The following PLA2G4D variants were observed in gnomAD, a reference collection of about 807,000 sequenced individuals.
PLA2G4D encodes the protein phospholipase A2 group IVD, also known as cytosolic phospholipase A2 delta.
PLA2G4D carries 80 observed loss-of-function variants against 94.4 expected under a neutral mutation model. The ratio of observed to expected loss-of-function variants is 0.85; its 90% CI spans 0.71 to 1.02. The LOEUF (loss-of-function observed/expected upper bound fraction) is 1.02, where lower values mean the gene tolerates loss of function less well. Ranked by LOEUF, PLA2G4D falls within the 50% of genes least tolerant of loss-of-function variation. PLA2G4D has a pLI of 0.00. For missense variants in PLA2G4D, 1,050 were observed against 1,034.7 expected (o/e 1.01, Z -0.20); for synonymous variants, 438 against 440.9 (o/e 0.99, Z 0.08).
At chr15:42,093,408 A>C (rs1303979717) in intron 1 of PLA2G4D, among the ~76,000 whole-genome samples, 1 of 152,198 alleles carries the variant, frequency 6.6e-6, no homozygotes, top group Non-Finnish European at 1.5e-5. Context: ...AAAGGGGGAA[A>C]TATTCCAGAA....
chr15:42,068,422 T>C lies in PLA2G4D; in HGVS notation c.*293A>G, dbSNP rs1279521516. The C allele has an allele frequency of 2.0e-5, 8 of 393,744 alleles. No individual in the cohort carries two copies. The East Asian group carries it at 4.1e-4, about 20-fold the overall frequency. 24.4% of individuals were successfully genotyped at this position (393,744 alleles called of 1,614,324 possible). On this transcript the variant is annotated 3_prime_UTR_variant, in exon 20 of 20. Coordinates refer to ENST00000290472, the MANE Select transcript of PLA2G4D (RefSeq NM_178034.4). ...TGATCTGCTGCCTCCGGCTTGCACT[T>C]CAAATCTATCCTGCTCAGGCATGGA...
At chr15:42,069,768 G>T in intron 19 of PLA2G4D, 141 bp downstream of exon 19, 2 of 726,426 alleles carry the variant, frequency 2.8e-6, no homozygotes, top group Non-Finnish European at 4.1e-6. Context: ...GGGCTCCAAG[G>T]CCTGAGTGGG....
chr15:42,093,407 A>G (rs538485003), intron 1 of PLA2G4D, among the ~76,000 whole-genome samples: 1 of 152,286 alleles, frequency 6.6e-6, no homozygotes, highest in African/African-American at 2.4e-5. Flanking sequence ...TAAAGGGGGA[A>G]ATATTCCAGA....
intron 8 of PLA2G4D, 100 bp downstream of exon 8, chr15:42,083,098 G>A: frequency 6.8e-7 from 1 of 1,467,130 alleles, no homozygotes; most frequent in Non-Finnish European, 9.1e-7. Context: ...AAGGCCACAG[G>A]GGCCTTGGCC....
At chr15:42,083,841 C>T (rs1890091019) in intron 6 of PLA2G4D, 62 bp from the exon 7 acceptor site, 2 of 1,549,320 alleles carry the variant, frequency 1.3e-6, no homozygotes, top group Admixed American at 1.7e-5. Context: ...CCCTTAACCT[C>T]AACCCTCTGA....
At chr15:42,089,401 C>CA (rs1890212054) in intron 1 of PLA2G4D, among the ~76,000 whole-genome samples, 1 of 152,194 alleles carries the variant, frequency 6.6e-6, no homozygotes, top group Admixed American at 6.5e-5. Flanking sequence ...CCTGCCCCTG[C>CA]ATCTTTCCTC....
At chr15:42,085,570 C>T in intron 4 of PLA2G4D, 39 bp from the exon 5 acceptor site, 1 of 1,602,214 alleles carries the variant, frequency 6.2e-7, no homozygotes, top group Non-Finnish European at 8.6e-7. Context: ...CAGCACATAC[C>T]TGTGTCTTCA....
Position 42,067,913 on chromosome 15 carries a change from T to C in PLA2G4D, c.*802A>G, listed in dbSNP as rs1217202579. ...GTCAGGAACAAGACAAGATGTCTGC[T>C]CTTGAAACGTGTGTTCATCATTGTA... On this transcript the variant is annotated 3_prime_UTR_variant, in exon 20 of 20. Transcript: ENST00000290472. 1.3e-5 allele frequency: 2 copies of C among 152,230 alleles called. No homozygotes were observed. The highest frequency in any genetic ancestry group is 1.3e-4 in the Admixed American group (2 of 15,284). The allele number at this position is 152,230 out of a possible 1,614,324, so 9.4% of individuals were successfully genotyped here.
chr15:42,073,375 C>G (rs1889863572), intron 13 of PLA2G4D, among the ~76,000 whole-genome samples: 2 of 152,198 alleles, frequency 1.3e-5, no homozygotes, highest in African/African-American at 4.8e-5. Flanking sequence ...TGTAAGGGAA[C>G]AGAAAGGCCT....
At position 42,086,328 on chromosome 15, in the gene PLA2G4D, C is replaced by T. The variant is rs182717725; in HGVS notation, c.272G>A (p.Ser91Asn). 2.9e-5 allele frequency: 46 copies of T among 1,613,768 alleles called. No individual in the cohort carries two copies. Among genetic ancestry groups the T allele is most frequent in the Non-Finnish European group, 3.9e-5 (46 of 1,179,930 alleles). ...QSQVKNVLEL[S>N]IYDEDSVTED... ...CGTGACTGAGTCCTCATCATAGATG[C>T]TAAGCTCCAGAACATTCTAGGAACC... is the stretch of plus-strand genomic sequence containing the variant. The change falls in exon 4 of 20, where the codon AGC becomes AAC. Residue 91 changes from serine to asparagine, a missense_variant. Coordinates refer to ENST00000290472, the MANE Select transcript of PLA2G4D (RefSeq NM_178034.4).
Position 42,068,404 on chromosome 15 carries a change from C to T in PLA2G4D, c.*311G>A. 2.9e-6 allele frequency: 1 copy of T among 345,764 alleles called. No homozygotes were observed. The highest frequency in any genetic ancestry group is 5.4e-6 in the Non-Finnish European group (1 of 184,102). The allele number at this position is 345,764 out of a possible 1,614,324, so 21.4% of individuals were successfully genotyped here. ...CCTTCCTGTCCCTACTCCTGATCTG[C>T]TGCCTCCGGCTTGCACTTCAAATCT... On this transcript the variant is annotated 3_prime_UTR_variant, in exon 20 of 20. Coordinates refer to ENST00000290472, the MANE Select transcript of PLA2G4D (RefSeq NM_178034.4).
At position 42,067,184 on chromosome 15, in the gene PLA2G4D, G is replaced by T. The variant is rs1474137529; in HGVS notation, c.*1531C>A. ...GAAGCTCTCACTACAACCCCCACCTGGGGCCAGGTGTGTGTGTGTGTGTAT... is the reference window on the plus strand; with the variant it reads ...GAAGCTCTCACTACAACCCCCACCTTGGGCCAGGTGTGTGTGTGTGTGTAT... On this transcript the variant is annotated 3_prime_UTR_variant, in exon 20 of 20. Transcript: ENST00000290472. 1 of 152,142 alleles carries T rather than the reference G, an allele frequency of 6.6e-6. No homozygotes were observed. Among genetic ancestry groups the T allele is most frequent in the Non-Finnish European group, 1.5e-5 (1 of 68,028 alleles). The allele number at this position is 152,142 out of a possible 1,614,324, so 9.4% of individuals were successfully genotyped here.
chr15:42,068,992 G>T, intron 19 of PLA2G4D, 51 bp from the exon 20 acceptor site: 1 of 1,517,814 alleles, frequency 6.6e-7, no homozygotes, highest in Non-Finnish European at 8.9e-7. Flanking sequence ...GGCTTCTACA[G>T]CCTGGCAGCG....
In PLA2G4D at chr15:42,071,107, T is replaced by C. The variant is rs552410403; in HGVS notation, c.1876+16A>G. ...CCCAACCTTGTGACCTAGGGACCCC[T>C]GGCCACGGCCCTGACCTGCCCAGGT... On this transcript the variant is annotated intron_variant, in intron 17 of 19. Coordinates refer to ENST00000290472, the MANE Select transcript of PLA2G4D (RefSeq NM_178034.4). The C allele has an allele frequency of 1.0e-4, 164 of 1,597,138 alleles. 1 individual carries two copies. In the South Asian group the frequency reaches 1.8e-3, roughly 18 times the overall value.
Position 42,086,194 on chromosome 15 carries a change from T to TCGCC in PLA2G4D, c.387+18_387+19insGGCG. The TCGCC allele has an allele frequency of 2.2e-6, 3 of 1,370,444 alleles. No homozygotes were observed. The highest frequency in any genetic ancestry group is 1.5e-5 in the South Asian group (1 of 66,866). 84.9% of individuals were successfully genotyped at this position (1,370,444 alleles called of 1,614,324 possible). The stretch of plus-strand genomic sequence containing the variant: ...GGAAGAAGTGGGGCCCACGGGGACT[T>TCGCC]CCCCACCCACCCACCCACCTGGGGA... On this transcript the variant is annotated intron_variant, in intron 4 of 19. Transcript: ENST00000290472.
Position 42,071,314 on chromosome 15 carries a change from T to C in PLA2G4D, c.1685A>G (p.Lys562Arg), listed in dbSNP as rs767412001. ...GGTCCCCGAGGTGGTCAGGGGCTCCTTCTCTGAAGCCAGAGAAACAGAAAT... is the reference window on the plus strand; with the variant it reads ...GGTCCCCGAGGTGGTCAGGGGCTCCCTCTCTGAAGCCAGAGAAACAGAAAT... ...HIKDKTRSLE[K>R]EPLTTSGTSS... Residue 562 changes from lysine (K) to arginine (R), a missense_variant, in exon 17 of 20, where the codon AAG becomes AGG. Transcript: ENST00000290472. The C allele has an allele frequency of 6.3e-6, 10 of 1,579,086 alleles. No homozygotes were observed. In the South Asian group the frequency reaches 1.0e-4, roughly 16 times the overall value.
At position 42,086,210 on chromosome 15, in the gene PLA2G4D, C is replaced by CCCCCCCCGGG; in HGVS notation, c.387+2_387+3insCCCGGGGGGG. 6.9e-7 allele frequency: 1 copy of CCCCCCCCGGG among 1,442,554 alleles called. No homozygotes were observed. The highest frequency in any genetic ancestry group is 9.3e-7 in the Non-Finnish European group (1 of 1,069,976). The allele number at this position is 1,442,554 out of a possible 1,614,324, so 89.4% of individuals were successfully genotyped here. A position where few individuals can be genotyped will look rare whatever the true frequency, so the allele number is the denominator to read the frequency against. The stretch of plus-strand genomic sequence containing the variant: ...ACGGGGACTTCCCCACCCACCCACC[C>CCCCCCCCGGG]ACCTGGGGACTCTGGGAGAAGGTTT... On this transcript the variant is annotated splice_region_variant and intron_variant, in intron 4 of 19. Coordinates refer to ENST00000290472, the MANE Select transcript of PLA2G4D (RefSeq NM_178034.4).
chr15:42,079,864 A>C, intron 12 of PLA2G4D, 105 bp from the exon 13 acceptor site: 1 of 1,104,840 alleles, frequency 9.1e-7, no homozygotes, highest in Non-Finnish European at 1.3e-6. Context: ...GGCTCCTGCC[A>C]CCAAGGCTCT....
At chr15:42,085,216 G>C (rs1405942871) in intron 5 of PLA2G4D, 78 bp from the exon 6 acceptor site, 33 of 1,530,258 alleles carry the variant, frequency 2.2e-5, no homozygotes, top group Non-Finnish European at 3.0e-5. Flanking sequence ...GTCTCCCTGG[G>C]TGATGCTGAG....
Sources: gnomAD v4.1 joint callset for allele counts (sites outside exome capture counted in the v4.1 genomes callset) on GRCh38, gnomAD v4.1.1 for gene constraint, MANE v1.5 for transcripts, NCBI Gene and HGNC (gene_info 2026-07-23, HGNC 2026-07-21) for gene names.